BAIAP2: variants seen among roughly 807,000 people sequenced by gnomAD.
BAIAP2 encodes BAR/IMD domain-containing adapter protein 2.
In BAIAP2, 18 loss-of-function variants were observed where a neutral mutation model predicts 63.0. The ratio of observed to expected loss-of-function variants is 0.29; its 90% CI spans 0.20 to 0.42. BAIAP2 has a LOEUF of 0.42. BAIAP2 is among the 10% of genes least tolerant of loss of function. The pLI is 1.00. For missense variants in BAIAP2, 610 were observed against 734.3 expected, an observed-to-expected ratio of 0.83 and a Z score of 1.96; for synonymous variants, 386 against 307.6, an observed-to-expected ratio of 1.25 and a Z score of -2.67.
intron 1 of BAIAP2, among the ~76,000 whole-genome samples, chr17:81,043,814 C>T (rs1052322329): frequency 6.6e-5 from 10 of 152,220 alleles, no homozygotes; most frequent in Non-Finnish European, 1.3e-4. Context: ...ACTCCAGGGC[C>T]CTCTGGCTCT....
At chr17:81,053,540 T>G in intron 1 of BAIAP2, 128 bp from the exon 2 acceptor site, 1 of 948,248 alleles carries the variant, frequency 1.1e-6, no homozygotes, top group Non-Finnish European at 1.7e-6. Flanking sequence ...GAAGCCCACC[T>G]TGAGCATTTG....
At chr17:81,036,915 C>T (rs1229437132) in intron 1 of BAIAP2, 8 of 1,535,924 alleles carry the variant, frequency 5.2e-6, no homozygotes, top group African/African-American at 1.4e-5. Context: ...TCTCCTTCTG[C>T]GCTGAAACCA....
chr17:81,081,996 G>T (rs569300654), intron 3 of BAIAP2, among the ~76,000 whole-genome samples: 6 of 152,056 alleles, frequency 3.9e-5, no homozygotes, highest in African/African-American at 1.4e-4. Flanking sequence ...GCCAGGGCGC[G>T]TCTTAGGTGG....
intron 7 of BAIAP2, among the ~76,000 whole-genome samples, chr17:81,100,536 A>G (rs530184683): frequency 1.3e-5 from 2 of 151,998 alleles, no homozygotes; most frequent in East Asian, 3.9e-4. Context: ...CTCTGGGCTC[A>G]TGGCTCTGCT....
chr17:81,108,625 G>A (rs575270580), intron 13 of BAIAP2, 116 bp downstream of exon 13: 1 of 1,360,964 alleles, frequency 7.3e-7, no homozygotes, highest in Admixed American at 1.9e-5. Flanking sequence ...GCCCAGCCTG[G>A]CCCTTCACCC....
rs1006536222 is a variant in BAIAP2, at chr17:81,116,466, C to T, written c.*627C>T. 40 of 924,406 alleles carry T rather than the reference C, an allele frequency of 4.3e-5. No homozygotes were observed. The highest frequency in any genetic ancestry group is 5.7e-5 in the Non-Finnish European group (36 of 627,884). The allele number at this position is 924,406 out of a possible 1,614,324, so 57.3% of individuals were successfully genotyped here. A position where few individuals can be genotyped will look rare whatever the true frequency, so the allele number is the denominator to read the frequency against. On this transcript the variant is annotated 3_prime_UTR_variant, in exon 14 of 14. Transcript: ENST00000428708. ...AGGCCCCTCCTGCCTCGGGCAGGCC[C>T]CAGCCCTCCTCCTTACCCAACCTCC... is the stretch of plus-strand genomic sequence containing the variant.
At chr17:81,047,764 C>T (rs777466930) in intron 1 of BAIAP2, among the ~76,000 whole-genome samples, 1 of 151,222 alleles carries the variant, frequency 6.6e-6, no homozygotes, top group East Asian at 1.9e-4. Flanking sequence ...CAGCTCATGC[C>T]CACAGCACAC....
intron 6 of BAIAP2, among the ~76,000 whole-genome samples, chr17:81,089,185 C>T (rs1036099816): frequency 2.6e-5 from 4 of 152,256 alleles, no homozygotes; most frequent in African/African-American, 9.6e-5. Context: ...GCTGGTCTGT[C>T]TGTTTGCTGC....
At chr17:81,080,340 C>G (rs2054387858) in intron 3 of BAIAP2, among the ~76,000 whole-genome samples, 1 of 152,232 alleles carries the variant, frequency 6.6e-6, no homozygotes, top group Non-Finnish European at 1.5e-5. Flanking sequence ...TTTAAAAATT[C>G]AAGGCATGGG....
chr17:81,048,432 G>A (rs1397473026), intron 1 of BAIAP2, among the ~76,000 whole-genome samples: 4 of 151,880 alleles, frequency 2.6e-5, no homozygotes, highest in Non-Finnish European at 4.4e-5. Flanking sequence ...GGAGTGGGCA[G>A]GAGAGCAAAG....
chr17:81,084,726 T>C (rs748406055), intron 3 of BAIAP2, 106 bp from the exon 4 acceptor site: 5 of 1,108,976 alleles, frequency 4.5e-6, no homozygotes, highest in African/African-American at 1.5e-5. Context: ...CCCTGCTGCC[T>C]GTGGTCACAG....
intron 3 of BAIAP2, among the ~76,000 whole-genome samples, chr17:81,063,016 C>T (rs1239163810): frequency 6.8e-6 from 1 of 147,008 alleles, no homozygotes; most frequent in East Asian, 2.0e-4. Context: ...TCCTGAGAGG[C>T]TTGTGAACAG....
intron 13 of BAIAP2, among the ~76,000 whole-genome samples, chr17:81,112,257 C>T (rs1453485487): frequency 6.6e-6 from 1 of 152,222 alleles, no homozygotes; most frequent in African/African-American, 2.4e-5. Flanking sequence ...GCTGGCACAG[C>T]CTCTGTCAGG....
intron 5 of BAIAP2, 63 bp from the exon 6 acceptor site, chr17:81,086,380 C>T (rs7210438): frequency 0.24 from 371,847 of 1,579,932 alleles, 45,776 homozygotes; most frequent in Non-Finnish European, 0.25. Context: ...GTTTTGCTGC[C>T]AGTGGTCCGC....
chr17:81,080,416 T>G (rs954390587), intron 3 of BAIAP2, among the ~76,000 whole-genome samples: 8 of 152,248 alleles, frequency 5.3e-5, no homozygotes, highest in African/African-American at 1.7e-4. Context: ...CAGCTTTGCC[T>G]GGACCTCCCC....
At chr17:81,062,933 C>A (rs1333769279) in intron 3 of BAIAP2, among the ~76,000 whole-genome samples, 1 of 150,662 alleles carries the variant, frequency 6.6e-6, no homozygotes, top group African/African-American at 2.5e-5. Context: ...CCCCCGCCGC[C>A]CCCACCAGCT....
At chr17:81,063,314 T>A (rs2050910125) in intron 3 of BAIAP2, among the ~76,000 whole-genome samples, 1 of 152,222 alleles carries the variant, frequency 6.6e-6, no homozygotes, top group Non-Finnish European at 1.5e-5. Context: ...CCTGCCTTTC[T>A]CACTGTGTCT....
chr17:81,116,406 C>T lies in BAIAP2; in HGVS notation c.*567C>T. On this transcript the variant is annotated 3_prime_UTR_variant, in exon 14 of 14. Transcript: ENST00000428708. ...CCCTCGGTGGGGCTCTCCTGGGCCC[C>T]TCACTCCCACTGGCAATGTCACAAG... is the stretch of plus-strand genomic sequence containing the variant. 6.9e-7 allele frequency: 1 copy of T among 1,456,478 alleles called. No individual in the cohort carries two copies. The highest frequency in any genetic ancestry group is 1.2e-5 in the South Asian group (1 of 80,876). The allele number at this position is 1,456,478 out of a possible 1,614,324, so 90.2% of individuals were successfully genotyped here. A position where few individuals can be genotyped will look rare whatever the true frequency, so the allele number is the denominator to read the frequency against.
Position 81,084,980 on chromosome 17 carries a change from G to A in BAIAP2, c.279+87G>A. On this transcript the variant is annotated intron_variant, in intron 4 of 13. Coordinates refer to ENST00000428708, the MANE Select transcript of BAIAP2 (RefSeq NM_001144888.2). ...ACACCTTGGCCGTGTGTCCACTTGG[G>A]AACAGTCCCAGTTGTCCAGCCACAC... The A allele has an allele frequency of 5.8e-6, 8 of 1,371,470 alleles. No individual in the cohort carries two copies. The South Asian group carries it at 9.3e-5, about 16-fold the overall frequency. The allele number at this position is 1,371,470 out of a possible 1,614,324, so 85.0% of individuals were successfully genotyped here. A position where few individuals can be genotyped will look rare whatever the true frequency, so the allele number is the denominator to read the frequency against.
Sources: allele counts gnomAD v4.1 joint callset (sites outside exome capture counted in the v4.1 genomes callset), GRCh38; gene constraint gnomAD v4.1.1; transcripts MANE v1.5; gene names NCBI Gene and HGNC (gene_info 2026-07-23, HGNC 2026-07-21).